Variants in KCNQ3 observed in about 807,000 individuals in gnomAD.
KCNQ3 encodes potassium voltage-gated channel subfamily KQT member 3.
In KCNQ3, 30 loss-of-function variants were observed where a neutral mutation model predicts 92.5. That is an observed-to-expected ratio of 0.32 (90% CI 0.24 to 0.44). The LOEUF (loss-of-function observed/expected upper bound fraction) is 0.44. Among genes scored for constraint, KCNQ3 ranks in the 20% least tolerant of loss-of-function variants. KCNQ3 has a pLI of 1.00. For synonymous variants in KCNQ3, 450 were observed against 468.8 expected, an observed-to-expected ratio of 0.96 and a Z score of 0.52; for missense variants, 913 against 1,140.3, an observed-to-expected ratio of 0.80 and a Z score of 2.87.
At chr8:132,436,815 C>T (rs2130831479) in intron 1 of KCNQ3, among the ~76,000 whole-genome samples, 1 of 152,256 alleles carries the variant, frequency 6.6e-6, no homozygotes, top group South Asian at 2.1e-4. Context: ...TTAGTTCTCC[C>T]TGGGCTCAGT....
At chr8:132,287,892 T>C (rs2130546454) in intron 1 of KCNQ3, among the ~76,000 whole-genome samples, 1 of 152,306 alleles carries the variant, frequency 6.6e-6, no homozygotes, top group Non-Finnish European at 1.5e-5. Context: ...ATTATGCATG[T>C]AGTGCCACTG....
intron 1 of KCNQ3, among the ~76,000 whole-genome samples, chr8:132,291,880 T>A (rs1816846042): frequency 6.6e-6 from 1 of 152,168 alleles, no homozygotes; most frequent in African/African-American, 2.4e-5. Flanking sequence ...TTACTTGGCC[T>A]CCATAAGTTG....
At chr8:132,403,101 ATTGT>A (rs902557971) in intron 1 of KCNQ3, among the ~76,000 whole-genome samples, 5 of 151,542 alleles carry the variant, frequency 3.3e-5, no homozygotes, top group East Asian at 3.9e-4. Context: ...AATAAGGGAA[ATTGT>A]TTGTGGAGGG....
chr8:132,321,852 C>T (rs1817902077), intron 1 of KCNQ3, among the ~76,000 whole-genome samples: 1 of 152,188 alleles, frequency 6.6e-6, no homozygotes, highest in Admixed American at 6.5e-5. Flanking sequence ...ATCTCTGACA[C>T]CTCAGGGCCC....
At chr8:132,448,314 T>G (rs1437005549) in intron 1 of KCNQ3, among the ~76,000 whole-genome samples, 2 of 151,950 alleles carry the variant, frequency 1.3e-5, no homozygotes, top group Non-Finnish European at 2.9e-5. Flanking sequence ...TCAGGCCTTC[T>G]TGATCTCCTT....
rs563083844 is a variant in KCNQ3 at position 132,403,131 on chromosome 8, A to G, written c.386+77016T>C. Among the ~76,000 whole-genome samples, 7 of 152,128 alleles carry G rather than the reference A, an allele frequency of 4.6e-5. No individual in the cohort carries two copies. In the South Asian group the frequency reaches 1.5e-3, roughly 32 times the overall value. On this transcript the variant is annotated intron_variant, in intron 1 of 14. Coordinates refer to ENST00000388996, the MANE Select transcript of KCNQ3 (RefSeq NM_004519.4). ...TTGTGGAGGGGGCAAGGAGGCATAC[A>G]GAAACCCTCTGTACTCTCTGCTCAA...
chr8:132,361,008 C>A (rs1819151206), intron 1 of KCNQ3, among the ~76,000 whole-genome samples: 1 of 152,182 alleles, frequency 6.6e-6, no homozygotes, highest in Non-Finnish European at 1.5e-5. Context: ...GTCCAGAATG[C>A]CACTTTTTGA....
At chr8:132,246,648 C>A (rs1197703216) in intron 1 of KCNQ3, among the ~76,000 whole-genome samples, 1 of 152,192 alleles carries the variant, frequency 6.6e-6, no homozygotes, top group Non-Finnish European at 1.5e-5. Flanking sequence ...CCATGGCACA[C>A]CGTTATATCA....
chr8:132,355,406 C>A (rs2130712321), intron 1 of KCNQ3, among the ~76,000 whole-genome samples: 1 of 152,074 alleles, frequency 6.6e-6, no homozygotes, highest in South Asian at 2.1e-4. Flanking sequence ...CGTTATCTGT[C>A]CAGGGAGAGG....
At chr8:132,338,492 T>C (rs1004409888) in intron 1 of KCNQ3, among the ~76,000 whole-genome samples, 2 of 152,246 alleles carry the variant, frequency 1.3e-5, no homozygotes, top group Non-Finnish European at 2.9e-5. Context: ...ATTATTACTA[T>C]ATGATAGCAC....
intron 1 of KCNQ3, among the ~76,000 whole-genome samples, chr8:132,420,735 A>G (rs1422991203): frequency 6.6e-6 from 1 of 152,172 alleles, no homozygotes; most frequent in East Asian, 1.9e-4. Context: ...TTGATAAATG[A>G]TGTTGCAAAA....
At chr8:132,324,685 T>C (rs908727540) in intron 1 of KCNQ3, among the ~76,000 whole-genome samples, 18 of 152,196 alleles carry the variant, frequency 1.2e-4, no homozygotes. Flanking sequence ...TATAATTATC[T>C]GAAACCATCG....
chr8:132,361,273 A>G (rs1293325352), intron 1 of KCNQ3, among the ~76,000 whole-genome samples: 5 of 151,934 alleles, frequency 3.3e-5, no homozygotes, highest in Admixed American at 3.3e-4. Context: ...GCAAAGAACA[A>G]CTCTGACTCA....
rs995845178 is a variant in KCNQ3, at chr8:132,379,204, A to G, written c.386+100943T>C. On this transcript the variant is annotated intron_variant, in intron 1 of 14. Transcript: ENST00000388996. ...AACAGAATCATAATAATTAATGTCT[A>G]TGAAAGACTTCCTATTTGCAAGTAC... 5.3e-5 allele frequency among the ~76,000 whole-genome samples: 8 copies of G among 152,210 alleles called. No individual in the cohort carries two copies. In the East Asian group the frequency reaches 1.5e-3, roughly 29 times the overall value.
intron 1 of KCNQ3, among the ~76,000 whole-genome samples, chr8:132,396,343 A>G (rs1422076784): frequency 3.3e-5 from 5 of 152,022 alleles, no homozygotes; most frequent in Admixed American, 3.3e-4. Context: ...CAGAATTTAC[A>G]TGAGAGAAAA....
At chr8:132,386,483 G>T (rs1288280302) in intron 1 of KCNQ3, among the ~76,000 whole-genome samples, 1 of 151,998 alleles carries the variant, frequency 6.6e-6, no homozygotes, top group East Asian at 1.9e-4. Context: ...CCTTGAAGCA[G>T]TTGGTGAAAT....
intron 1 of KCNQ3, among the ~76,000 whole-genome samples, chr8:132,269,514 A>G (rs1443480426): frequency 6.6e-6 from 1 of 152,210 alleles, no homozygotes; most frequent in African/African-American, 2.4e-5. Context: ...TGCATTTTTA[A>G]CCAGCTCTCT....
At position 132,132,277 on chromosome 8, in the gene KCNQ3, G is replaced by A. The variant is rs772137862; in HGVS notation, c.1800-13C>T. Reference sequence around the variant, plus strand: ...ATATGGTTCATTCCTAAGAAGAAGCGAACACTTCTATAAGATCATTATATC... The same window carrying A: ...ATATGGTTCATTCCTAAGAAGAAGCAAACACTTCTATAAGATCATTATATC... On this transcript the variant is annotated splice_polypyrimidine_tract_variant and intron_variant, in intron 13 of 14. Transcript: ENST00000388996. 3.3e-5 allele frequency: 52 copies of A among 1,597,206 alleles called. No homozygotes were observed. The highest frequency in any genetic ancestry group is 1.2e-4 in the South Asian group (11 of 90,754).
chr8:132,252,842 C>A (rs1013541922), intron 1 of KCNQ3, among the ~76,000 whole-genome samples: 4 of 152,184 alleles, frequency 2.6e-5, no homozygotes, highest in Non-Finnish European at 4.4e-5. Context: ...CCCAGGAAGA[C>A]CAGCTGGCTT....
Sources: allele counts gnomAD v4.1 joint callset (sites outside exome capture counted in the v4.1 genomes callset), GRCh38; gene constraint gnomAD v4.1.1; transcripts MANE v1.5; gene names NCBI Gene and HGNC (gene_info 2026-07-23, HGNC 2026-07-21).